SARDH: variants seen among roughly 807,000 people sequenced by gnomAD.
SARDH encodes the protein sarcosine dehydrogenase.
In SARDH, 95 loss-of-function variants were observed where a neutral mutation model predicts 109.1. The observed-to-expected ratio is 0.87, with a 90% CI of 0.74 to 1.03. The LOEUF (loss-of-function observed/expected upper bound fraction) is 1.03. Ranked by LOEUF, SARDH falls within the 50% of genes least tolerant of loss-of-function variation. SARDH has a pLI of 0.00. For synonymous variants in SARDH, 572 were observed against 534.8 expected, an observed-to-expected ratio of 1.07 and a Z score of -0.96; for missense variants, 1,267 against 1,287.8, an observed-to-expected ratio of 0.98 and a Z score of 0.25.
intron 17 of SARDH, among the ~76,000 whole-genome samples, chr9:133,676,504 C>T (rs1051400768): frequency 2.6e-5 from 4 of 152,222 alleles, no homozygotes; most frequent in Admixed American, 6.5e-5. Flanking sequence ...CAAACCAACT[C>T]CTTTTCTTCA....
Position 133,712,525 on chromosome 9 carries a change from A to T in SARDH, c.1328+94T>A. On this transcript the variant is annotated intron_variant, in intron 10 of 20. Coordinates refer to ENST00000439388, the MANE Select transcript of SARDH (RefSeq NM_001134707.2). The surrounding 1 kb of genome is among the most constrained non-coding windows in gnomAD (Gnocchi z 4.1). ...CCTTCCAGGAAGCCACCTGGATTTC[A>T]GGCAAGGCTCCTTTCTCAGTAGCCC... is the stretch of plus-strand genomic sequence containing the variant. 8.7e-7 allele frequency: 1 copy of T among 1,146,514 alleles called. No individual in the cohort carries two copies. Among genetic ancestry groups the T allele is most frequent in the Non-Finnish European group, 1.3e-6 (1 of 787,310 alleles). 71.0% of individuals were successfully genotyped at this position (1,146,514 alleles called of 1,614,324 possible). A position where few individuals can be genotyped will look rare whatever the true frequency, so the allele number is the denominator to read the frequency against.
intron 1 of SARDH, among the ~76,000 whole-genome samples, chr9:133,734,412 T>TTCATTCATTCACTCATTCACTCATTCAC (rs1564304222): frequency 8.9e-4 from 113 of 126,628 alleles, no homozygotes; most frequent in African/African-American, 4.4e-3. Flanking sequence ...CATTCACTCA[T>TTCATTCATTCACTCATTCACTCATTCAC]TCATTCATTC....
intron 17 of SARDH, among the ~76,000 whole-genome samples, chr9:133,673,854 C>A (rs1830431988): frequency 6.6e-6 from 1 of 152,176 alleles, no homozygotes; most frequent in African/African-American, 2.4e-5. Flanking sequence ...AGACAAAGAC[C>A]CGTCACCCAG....
In SARDH at chr9:133,718,619, G is replaced by A; in HGVS notation, c.1020+319C>T. 1.3e-6 allele frequency: 1 copy of A among 773,700 alleles called. No homozygotes were observed. 47.9% of individuals were successfully genotyped at this position (773,700 alleles called of 1,614,324 possible). A position where few individuals can be genotyped will look rare whatever the true frequency, so the allele number is the denominator to read the frequency against. On this transcript the variant is annotated intron_variant, in intron 7 of 20. Transcript: ENST00000439388. This position sits in a 1 kb window ranked among gnomAD's most constrained non-coding sequence, Gnocchi z 4.2. ...TGCCGCTGCAGCAGCTGGTTGGGAG[G>A]GCAGTGTCATTTGCTGAAGGACGTA...
At chr9:133,720,559 A>T (rs537001387) in intron 6 of SARDH, among the ~76,000 whole-genome samples, 1 of 152,350 alleles carries the variant, frequency 6.6e-6, no homozygotes, top group South Asian at 2.1e-4. Flanking sequence ...GGTTTAATGG[A>T]CTCACAGTTC....
At chr9:133,673,185 A>G (rs1442490082) in intron 17 of SARDH, among the ~76,000 whole-genome samples, 1 of 152,264 alleles carries the variant, frequency 6.6e-6, no homozygotes, top group Non-Finnish European at 1.5e-5. Context: ...GGCCACAGAC[A>G]GCATGGGGGG....
chr9:133,725,043 A>G (rs1239108017), intron 6 of SARDH, among the ~76,000 whole-genome samples: 1 of 152,210 alleles, frequency 6.6e-6, no homozygotes, highest in Non-Finnish European at 1.5e-5. Context: ...CATACAATGG[A>G]GTATTATTCA....
At chr9:133,667,939 C>T (rs1384312165) in intron 19 of SARDH, among the ~76,000 whole-genome samples, 1 of 152,142 alleles carries the variant, frequency 6.6e-6, no homozygotes, top group Admixed American at 6.5e-5. Context: ...AGCATCTTCT[C>T]TGCGCCTGTC....
At chr9:133,687,267 G>T (rs1426938432) in intron 16 of SARDH, among the ~76,000 whole-genome samples, 1 of 152,136 alleles carries the variant, frequency 6.6e-6, no homozygotes, top group African/African-American at 2.4e-5. Flanking sequence ...ATTGGTTTTG[G>T]TTTGTTTTGT....
Position 133,674,226 on chromosome 9 carries a change from G to A in SARDH, c.2164-2529C>T, listed in dbSNP as rs138441014. On this transcript the variant is annotated intron_variant, in intron 17 of 20. Coordinates refer to ENST00000439388, the MANE Select transcript of SARDH (RefSeq NM_001134707.2). ...AAGCGAGGACATCCAGAACAAACAC[G>A]GGCTCCCAGTCAGCCGGGCTTGGGT... is the stretch of plus-strand genomic sequence containing the variant. Among the ~76,000 whole-genome samples, 111 of 152,350 alleles carry A rather than the reference G, an allele frequency of 7.3e-4. 1 individual carries two copies. In the East Asian group the frequency reaches 0.02, roughly 28 times the overall value.
chr9:133,684,096 A>G (rs1830799474), intron 17 of SARDH, among the ~76,000 whole-genome samples: 1 of 152,184 alleles, frequency 6.6e-6, no homozygotes, highest in African/African-American at 2.4e-5. Flanking sequence ...CTGCCACTAC[A>G]TGGCTTACAG....
intron 17 of SARDH, among the ~76,000 whole-genome samples, chr9:133,684,261 C>T (rs1830806084): frequency 6.6e-6 from 1 of 152,220 alleles, no homozygotes; most frequent in African/African-American, 2.4e-5. Flanking sequence ...CGGCCACACA[C>T]CTGTGTCACA....
intron 17 of SARDH, among the ~76,000 whole-genome samples, chr9:133,680,874 C>A (rs928438785): frequency 4.6e-5 from 7 of 152,224 alleles, no homozygotes; most frequent in African/African-American, 1.7e-4. Flanking sequence ...AGTGGGGCTG[C>A]GCTCAGTGCT....
chr9:133,737,525 C>T lies in SARDH; in HGVS notation c.-31+729G>A, dbSNP rs2131528233. ...CCAGCTTGAGTGGCACCGAGGAAGG[C>T]CCTCCAAGGCTGAACACCCCCACCC... On this transcript the variant is annotated intron_variant, in intron 1 of 20. Coordinates refer to ENST00000439388, the MANE Select transcript of SARDH (RefSeq NM_001134707.2). Among the ~76,000 whole-genome samples the T allele has an allele frequency of 1.3e-5, 2 of 152,330 alleles. 1 individual carries two copies. Among genetic ancestry groups the T allele is most frequent in the South Asian group, 4.1e-4 (2 of 4,828 alleles).
intron 17 of SARDH, among the ~76,000 whole-genome samples, chr9:133,681,610 T>C (rs1830697568): frequency 6.6e-6 from 1 of 152,168 alleles, no homozygotes; most frequent in Non-Finnish European, 1.5e-5. Flanking sequence ...CCAGGCAGCA[T>C]GTCCAGAGTT....
chr9:133,694,316 C>A lies in SARDH; in HGVS notation c.1863G>T (p.Leu621=). 6.4e-7 allele frequency: 1 copy of A among 1,550,710 alleles called. No homozygotes were observed. The highest frequency in any genetic ancestry group is 2.4e-5 in the East Asian group (1 of 40,916). The change falls in exon 15 of 21, where the codon CTG becomes CTT. Residue 621 remains leucine (L), a synonymous_variant. Transcript: ENST00000439388. ...GGCTGGGTGCCAGGCGGCTGACAGT[C>A]AGGTCACTCTCGGTGCCCCCACGGT... The part of the protein sequence containing the change: ...LNHRGGTESD[L]TVSRLAPSHQ...
chr9:133,696,084 G>A, intron 14 of SARDH, 139 bp downstream of exon 14: 2 of 919,338 alleles, frequency 2.2e-6, no homozygotes, highest in African/African-American at 1.7e-5. Flanking sequence ...GGACGGGGGG[G>A]AGCTCAAAGC....
intron 17 of SARDH, among the ~76,000 whole-genome samples, chr9:133,682,113 C>T (rs1830717999): frequency 1.3e-5 from 2 of 152,318 alleles, no homozygotes; most frequent in South Asian, 4.1e-4. Flanking sequence ...CTCTCTCAGA[C>T]CAACAGTCAG....
In SARDH at chr9:133,696,244, C is replaced by T; in HGVS notation, c.1786G>A (p.Ala596Thr). 6.2e-6 allele frequency: 10 copies of T among 1,614,082 alleles called. No homozygotes were observed. The highest frequency in any genetic ancestry group is 1.3e-5 in the African/African-American group (1 of 75,042). The change falls in exon 14 of 21, where the codon GCA becomes ACA. Residue 596 changes from alanine (A) to threonine (T), a missense_variant. Transcript: ENST00000439388. ...ARKAADWLFS[A>T]DVSRPPGSTV... ...ATACCTGGGGGTCGGCTGACATCTG[C>T]GGAGAAGAGCCAGTCGGCAGCCTTC...
Sources: allele counts gnomAD v4.1 joint callset (sites outside exome capture counted in the v4.1 genomes callset), GRCh38; gene constraint gnomAD v4.1.1; non-coding constraint Gnocchi (gnomAD v3.1); transcripts MANE v1.5; gene names NCBI Gene and HGNC (gene_info 2026-07-23, HGNC 2026-07-21).